Variants in CASR observed in about 807,000 individuals in gnomAD.
The protein encoded by CASR is calcium sensing receptor.
In CASR, 23 loss-of-function variants were observed where a neutral mutation model predicts 69.1. That is an observed-to-expected ratio of 0.33 (90% CI 0.24 to 0.47). The LOEUF (loss-of-function observed/expected upper bound fraction) is 0.47. CASR is among the 20% of genes least tolerant of loss of function. The pLI is 1.00. For missense variants in CASR, 924 were observed against 1,356.1 expected, an observed-to-expected ratio of 0.68 and a Z score of 5.00; for synonymous variants, 541 against 544.7, an observed-to-expected ratio of 0.99 and a Z score of 0.10.
intron 1 of CASR, among the ~76,000 whole-genome samples, chr3:122,233,112 TTTA>T (rs1269724530): frequency 6.6e-6 from 1 of 152,174 alleles, no homozygotes; most frequent in Non-Finnish European, 1.5e-5. Context: ...CTAGACAAGA[TTTA>T]TTAAGATATG....
chr3:122,224,961 A>G (rs1477328411), intron 1 of CASR, among the ~76,000 whole-genome samples: 3 of 152,160 alleles, frequency 2.0e-5, no homozygotes, highest in Admixed American at 6.5e-5. Flanking sequence ...CCATATGATC[A>G]TCTCAGAATC....
chr3:122,204,513 G>A (rs2073987325), intron 1 of CASR, among the ~76,000 whole-genome samples: 1 of 152,024 alleles, frequency 6.6e-6, no homozygotes, highest in South Asian at 2.1e-4. Flanking sequence ...CCATATTTTG[G>A]CTATTGTGAG....
At chr3:122,241,481 A>G in intron 1 of CASR, among the ~76,000 whole-genome samples, 1 of 152,172 alleles carries the variant, frequency 6.6e-6, no homozygotes, top group Non-Finnish European at 1.5e-5. Context: ...GTGAACCAAC[A>G]GGAAATCCAG....
chr3:122,267,355 CAT>C (rs1009484376), intron 4 of CASR, among the ~76,000 whole-genome samples: 12 of 152,184 alleles, frequency 7.9e-5, no homozygotes, highest in Non-Finnish European at 1.3e-4. Flanking sequence ...ATTCCACACT[CAT>C]GTGATTTTAT....
Position 122,262,023 on chromosome 3 carries a change from T to C in CASR, c.988T>C (p.Phe330Leu). ...TCTGAAGGCTGGGCAGATCCCAGGC[T>C]TCCGGGAATTCCTGAAGAAGGTCCA... ...FALKAGQIPG[F>L]REFLKKVHPR... Residue 330 changes from phenylalanine (F) to leucine (L), a missense_variant, in exon 4 of 7, where the codon TTC becomes CTC. Phe to Leu is a conservative substitution (Grantham distance 22, BLOSUM62 0). This residue lies in a region of CASR where 310 missense variants were observed against 395.7 expected (regional missense o/e 0.78). Coordinates refer to ENST00000639785, the MANE Select transcript of CASR (RefSeq NM_000388.4). 1 of 1,614,210 alleles carries C rather than the reference T, an allele frequency of 6.2e-7. No individual in the cohort carries two copies. Among genetic ancestry groups the C allele is most frequent in the African/African-American group, 1.3e-5 (1 of 75,052 alleles).
At chr3:122,238,608 G>A (rs1398687637) in intron 1 of CASR, among the ~76,000 whole-genome samples, 1 of 152,186 alleles carries the variant, frequency 6.6e-6, no homozygotes, top group Admixed American at 6.5e-5. Flanking sequence ...CTAAGGGAGT[G>A]CTTGTTCTAC....
chr3:122,215,846 A>G (rs2074112276), intron 1 of CASR, among the ~76,000 whole-genome samples: 1 of 152,224 alleles, frequency 6.6e-6, no homozygotes, highest in African/African-American at 2.4e-5. Flanking sequence ...GTGACCAACA[A>G]GACCTGCCCT....
At chr3:122,227,732 C>T (rs768044372) in intron 1 of CASR, among the ~76,000 whole-genome samples, 6 of 152,134 alleles carry the variant, frequency 3.9e-5, no homozygotes. Flanking sequence ...AGCACGCTGT[C>T]ACCTCTCAGT....
intron 1 of CASR, among the ~76,000 whole-genome samples, chr3:122,226,397 T>A (rs1315835761): frequency 6.6e-6 from 1 of 151,878 alleles, no homozygotes; most frequent in Non-Finnish European, 1.5e-5. Flanking sequence ...TCGCAGTGAG[T>A]GTTACAGCTC....
chr3:122,253,850 C>T (rs948421447), intron 1 of CASR, 98 bp from the exon 2 acceptor site: 2 of 335,916 alleles, frequency 6.0e-6, no homozygotes, highest in Non-Finnish European at 1.1e-5. Flanking sequence ...ACCCCTAGGC[C>T]CCTCTAAATG....
At chr3:122,240,482 G>T (rs974997292) in intron 1 of CASR, among the ~76,000 whole-genome samples, 17 of 152,054 alleles carry the variant, frequency 1.1e-4, no homozygotes, top group South Asian at 8.3e-4. Context: ...CAGAAAGAGG[G>T]TATAACAATT....
chr3:122,275,316 A>AC (rs1329479990), intron 4 of CASR, among the ~76,000 whole-genome samples: 1 of 152,092 alleles, frequency 6.6e-6, no homozygotes, highest in African/African-American at 2.4e-5. Flanking sequence ...TTCTTCCTTC[A>AC]CCCCACTCTG....
At chr3:122,236,043 CAA>C (rs2074326643) in intron 1 of CASR, among the ~76,000 whole-genome samples, 2 of 152,298 alleles carry the variant, frequency 1.3e-5, no homozygotes, top group Middle Eastern at 3.4e-3. Flanking sequence ...CCAAGGACCA[CAA>C]TTTAAGACTC....
intron 1 of CASR, among the ~76,000 whole-genome samples, chr3:122,218,048 G>A (rs767704243): frequency 2.8e-4 from 43 of 151,946 alleles, no homozygotes; most frequent in Non-Finnish European, 4.7e-4. Context: ...AGCAAAGGGA[G>A]TCCATTGAAG....
intron 4 of CASR, among the ~76,000 whole-genome samples, chr3:122,274,278 C>T (rs1193328194): frequency 6.6e-6 from 1 of 152,236 alleles, no homozygotes; most frequent in African/African-American, 2.4e-5. Context: ...TGCCTGTGAG[C>T]ACACATAGTC....
chr3:122,246,357 G>A (rs1188481711), intron 1 of CASR: 1 of 152,176 alleles, frequency 6.6e-6, no homozygotes, highest in Non-Finnish European at 1.5e-5. Context: ...ATGTGTTGAG[G>A]AAATCAGGGT....
At chr3:122,272,581 A>G (rs1276589623) in intron 4 of CASR, among the ~76,000 whole-genome samples, 1 of 152,160 alleles carries the variant, frequency 6.6e-6, no homozygotes, top group Non-Finnish European at 1.5e-5. Flanking sequence ...GTACTTAGAG[A>G]TGATACCCCA....
intron 4 of CASR, among the ~76,000 whole-genome samples, chr3:122,266,006 A>T (rs2074689235): frequency 6.6e-6 from 1 of 152,114 alleles, no homozygotes. Context: ...GATCTTCCCC[A>T]TGCTCTTACC....
intron 1 of CASR, among the ~76,000 whole-genome samples, chr3:122,220,474 T>C (rs1050867079): frequency 6.6e-6 from 1 of 152,248 alleles, no homozygotes. Flanking sequence ...TGTTGCTGTA[T>C]GTCATTACCA....
Sources: allele counts gnomAD v4.1 joint callset (sites outside exome capture counted in the v4.1 genomes callset), GRCh38; gene constraint gnomAD v4.1.1; regional missense constraint gnomAD v4.1.1; transcripts MANE v1.5; gene names NCBI Gene and HGNC (gene_info 2026-07-23, HGNC 2026-07-21).